Variants in PRH1 observed in about 807,000 individuals in gnomAD.
PRH1 encodes the protein proline rich protein HaeIII subfamily 1, also known as salivary acidic proline-rich phosphoprotein 1/2.
A neutral mutation model predicts 7.9 loss-of-function variants in PRH1; 7 were observed. The ratio of observed to expected loss-of-function variants is 0.89; its 90% CI spans 0.50 to 1.67. The LOEUF (loss-of-function observed/expected upper bound fraction) is 1.67. PRH1 is among the 40% of genes most tolerant of loss of function. The probability of loss-of-function intolerance (pLI) is 0.00; values close to 1 mark genes in which losing one functional copy is unlikely to be tolerated. For synonymous variants in PRH1, 45 were observed against 80.8 expected (o/e 0.56, Z 2.38); for missense variants, 109 against 223.6 (o/e 0.49, Z 3.27).
chr12:11,040,922 G>T (rs1379127478), intron 1 of PRH1, among the ~76,000 whole-genome samples: 1 of 151,854 alleles, frequency 6.6e-6, no homozygotes, highest in East Asian at 1.9e-4. Flanking sequence ...CAAGCCTCAT[G>T]GTAATCTCAA....
At position 10,996,675 on chromosome 12, in the gene PRH1, T is replaced by C. The variant is rs1231142099; in HGVS notation, c.-125-22954A>G. 1.6e-5 allele frequency: 4 copies of C among 254,712 alleles called. No individual in the cohort carries two copies. In the East Asian group the frequency reaches 2.3e-4, roughly 15 times the overall value. 15.8% of individuals were successfully genotyped at this position (254,712 alleles called of 1,614,324 possible). A position where few individuals can be genotyped will look rare whatever the true frequency, so the allele number is the denominator to read the frequency against. On this transcript the variant is annotated intron_variant, in intron 1 of 3. Coordinates refer to the PRH1 transcript ENST00000539853. ...TGAGAAATTTCTTATCCTACTTTGG[T>C]ATAACTGAACAGTTTATATGAAAAG...
At position 11,058,590 on chromosome 12, in the gene PRH1, A is replaced by C. The variant is rs182426132; in HGVS notation, n.124-11402T>G. Among the ~76,000 whole-genome samples the C allele has an allele frequency of 2.6e-3, 402 of 152,388 alleles. 3 individuals carry two copies. In the South Asian group the frequency reaches 0.059, roughly 22 times the overall value. ...TCTATAGGCTACTGGTCTCAAATGG[A>C]GCCCAGAACAAAAGAGGGCTCTACA... On this transcript the variant is annotated intron_variant and non_coding_transcript_variant, in intron 1 of 4. Coordinates refer to the PRH1 transcript ENST00000541977.
chr12:11,008,905 A>G (rs562718777), intron 1 of PRH1, among the ~76,000 whole-genome samples: 7 of 152,048 alleles, frequency 4.6e-5, no homozygotes, highest in African/African-American at 1.7e-4. Context: ...CTTGATTAAG[A>G]TGTACAAATT....
rs1944636069 is a variant in PRH1, at chr12:11,084,935, C to A, written n.124-37747G>T. ...TCACGCCATTCTCCTGCATCAGCCT[C>A]CTGAATACTTGGGATTACAGGGGCC... On this transcript the variant is annotated intron_variant and non_coding_transcript_variant, in intron 1 of 4. Transcript: ENST00000541977. Among the ~76,000 whole-genome samples the A allele has an allele frequency of 1.8e-5, 2 of 113,328 alleles. 1 individual carries two copies. The highest frequency in any genetic ancestry group is 5.9e-5 in the African/African-American group (2 of 33,734). 74.3% of individuals were successfully genotyped at this position (113,328 alleles called of 152,430 possible).
chr12:10,953,363 C>T (rs190191379), intron 2 of PRH1, among the ~76,000 whole-genome samples: 333 of 152,180 alleles, frequency 2.2e-3, no homozygotes, highest in Non-Finnish European at 3.7e-3. Context: ...TTCTGAGGAA[C>T]GCCATAAAAT....
intron 1 of PRH1, among the ~76,000 whole-genome samples, chr12:11,153,070 T>G (rs1231342485): frequency 2.0e-5 from 3 of 152,178 alleles, no homozygotes; most frequent in Non-Finnish European, 4.4e-5. Context: ...TTATTTAAAT[T>G]ATTGTCCATA....
At chr12:11,107,320 C>T (rs927517046) in intron 1 of PRH1, among the ~76,000 whole-genome samples, 6 of 152,134 alleles carry the variant, frequency 3.9e-5, no homozygotes, top group African/African-American at 1.2e-4. Context: ...CATTTTTGGG[C>T]AGAATGCACA....
intron 2 of PRH1, chr12:10,891,577 C>T (rs2135793731): frequency 6.6e-6 from 1 of 152,344 alleles, no homozygotes; most frequent in South Asian, 2.1e-4. Context: ...TCACTTTCTC[C>T]TCAGAAGGCC....
intron 1 of PRH1, chr12:10,997,186 A>G: frequency 3.1e-6 from 5 of 1,614,126 alleles, no homozygotes; most frequent in Non-Finnish European, 4.2e-6. Flanking sequence ...AGGAGGTCAC[A>G]GTTTGCAGAG....
At position 10,883,073 on chromosome 12, in the gene PRH1, G is replaced by A. The variant is rs1565448230; in HGVS notation, c.88C>T (p.Leu30Phe). 1 of 1,613,396 alleles carries A rather than the reference G, an allele frequency of 6.2e-7. No homozygotes were observed. The highest frequency in any genetic ancestry group is 2.2e-5 in the East Asian group (1 of 44,862). The change falls in exon 2 of 4, where the codon CTC becomes TTC. Residue 30 changes from leucine (L) to phenylalanine (F), a missense_variant. Around this residue, in one of 3 missense-constraint regions of PRH1, gnomAD observed 60 missense variants for 76.5 expected, o/e 0.78. Transcript: ENST00000543626. ...NEDVSQEDVPLVISDGGDSEQ... is the reference protein window; with the variant it reads ...NEDVSQEDVPFVISDGGDSEQ... ...TATTGGGATTTACCTGATATTACGA[G>A]GGGAACATCTTCCTGGCTGACATCT...
intron 2 of PRH1, among the ~76,000 whole-genome samples, chr12:10,937,163 G>A (rs1215096755): frequency 6.6e-6 from 1 of 151,414 alleles, no homozygotes; most frequent in Non-Finnish European, 1.5e-5. Flanking sequence ...CCTTGCAGCT[G>A]CTTTCTGAAT....
rs1201296608 is a variant in PRH1 at position 11,097,230 on chromosome 12, T to G, written n.124-50042A>C. 3 of 260,314 alleles carry G rather than the reference T, an allele frequency of 1.2e-5. 1 individual carries two copies. The highest frequency in any genetic ancestry group is 2.6e-5 in the African/African-American group (1 of 38,330). 16.1% of individuals were successfully genotyped at this position (260,314 alleles called of 1,614,324 possible). ...TGATATAAGTAGACTTTAAGTCCCA[T>G]GGAAACAAAACTGAATCTGGTGCTT... is the stretch of plus-strand genomic sequence containing the variant. On this transcript the variant is annotated intron_variant and non_coding_transcript_variant, in intron 1 of 4. Coordinates refer to the PRH1 transcript ENST00000541977.
At position 11,087,914 on chromosome 12, in the gene PRH1, T is replaced by C. The variant is rs1431629186; in HGVS notation, n.124-40726A>G. Among the ~76,000 whole-genome samples the C allele has an allele frequency of 3.4e-5, 4 of 116,728 alleles. 1 individual carries two copies. The highest frequency in any genetic ancestry group is 2.6e-4 in the Admixed American group (3 of 11,660). The allele number at this position is 116,728 out of a possible 152,430, so 76.6% of individuals were successfully genotyped here. The stretch of plus-strand genomic sequence containing the variant: ...AATGGTTCTTAATCTACACCCATTA[T>C]GAGGAAAAATCAAAACAATTTGCCT... On this transcript the variant is annotated intron_variant and non_coding_transcript_variant, in intron 1 of 4. Coordinates refer to the PRH1 transcript ENST00000541977.
chr12:11,146,025 C>A (rs1244848718), intron 1 of PRH1, among the ~76,000 whole-genome samples: 1 of 152,028 alleles, frequency 6.6e-6, no homozygotes, highest in African/African-American at 2.4e-5. Flanking sequence ...AGTATGTGTA[C>A]ATAGATACAT....
At chr12:10,884,033 T>G (rs1289039450) in intron 1 of PRH1, 121 bp downstream of exon 1, 54 of 1,168,368 alleles carry the variant, frequency 4.6e-5, no homozygotes, top group Non-Finnish European at 6.2e-5. Context: ...ATCCTCAGCA[T>G]GAGAACTCTG....
Position 11,140,661 on chromosome 12 carries a change from T to A in PRH1, n.40-19481A>T, listed in dbSNP as rs945231323. 5.9e-5 allele frequency among the ~76,000 whole-genome samples: 9 copies of A among 152,194 alleles called. No homozygotes were observed. In the East Asian group the frequency reaches 1.7e-3, roughly 29 times the overall value. On this transcript the variant is annotated intron_variant and non_coding_transcript_variant, in intron 1 of 1. Coordinates refer to the PRH1 transcript ENST00000541175. ...CCTTGCTGTAAGGTAAAATTTTCCA[T>A]ATTGATGTTGAAGTGAAAGCTGAAT...
At chr12:10,923,469 G>T (rs1334103256) in intron 2 of PRH1, among the ~76,000 whole-genome samples, 1 of 152,134 alleles carries the variant, frequency 6.6e-6, no homozygotes, top group African/African-American at 2.4e-5. Flanking sequence ...GTAATCACCT[G>T]TCTTTAACTG....
intron 1 of PRH1, among the ~76,000 whole-genome samples, chr12:11,087,394 T>G (rs538921796): frequency 8.5e-6 from 1 of 117,576 alleles, no homozygotes; most frequent in East Asian, 2.1e-4. Flanking sequence ...ACATCCAGCC[T>G]GCATTGAGAG....
chr12:11,074,981 C>A (rs1161324553), intron 1 of PRH1, among the ~76,000 whole-genome samples: 1 of 151,320 alleles, frequency 6.6e-6, no homozygotes, highest in Admixed American at 6.6e-5. Flanking sequence ...GTCATGTCAA[C>A]ATCATGATAC....
Sources: allele counts gnomAD v4.1 joint callset (sites outside exome capture counted in the v4.1 genomes callset), GRCh38; gene constraint gnomAD v4.1.1; regional missense constraint gnomAD v4.1.1; transcripts MANE v1.5; gene names NCBI Gene and HGNC (gene_info 2026-07-23, HGNC 2026-07-21).